TIAM1: variants seen among roughly 807,000 people sequenced by gnomAD.
TIAM1 encodes rho guanine nucleotide exchange factor TIAM1.
In TIAM1, 65 loss-of-function variants were observed where a neutral mutation model predicts 163.5. That is an observed-to-expected ratio of 0.40 (90% CI 0.33 to 0.49). The LOEUF (loss-of-function observed/expected upper bound fraction) is 0.49, where lower values mean the gene tolerates loss of function less well. Ranked by LOEUF, TIAM1 falls within the 20% of genes least tolerant of loss-of-function variation. The pLI, the probability that TIAM1 is intolerant of heterozygous loss-of-function variation, is 0.77. For missense variants in TIAM1, 1,789 were observed against 2,044.7 expected (o/e 0.87, Z 2.41); for synonymous variants, 833 against 810.1 (o/e 1.03, Z -0.48).
chr21:31,366,570 A>C (rs1183442343), intron 2 of TIAM1, among the ~76,000 whole-genome samples: 1 of 152,096 alleles, frequency 6.6e-6, no homozygotes, highest in Non-Finnish European at 1.5e-5. Flanking sequence ...CTTTCTTTGC[A>C]ATACTTAAGT....
chr21:31,457,533 T>C (rs2045151934), intron 2 of TIAM1, among the ~76,000 whole-genome samples: 1 of 152,136 alleles, frequency 6.6e-6, no homozygotes, highest in Non-Finnish European at 1.5e-5. Context: ...ATTTCATAAA[T>C]GACAAATGAA....
chr21:31,264,002 A>G (rs2072621010), intron 4 of TIAM1, among the ~76,000 whole-genome samples: 1 of 152,208 alleles, frequency 6.6e-6, no homozygotes, highest in African/African-American at 2.4e-5. Context: ...TTGTGTCATT[A>G]CAATCTCAAT....
At chr21:31,178,398 C>T (rs1425019307) in intron 15 of TIAM1, among the ~76,000 whole-genome samples, 2 of 149,798 alleles carry the variant, frequency 1.3e-5, no homozygotes, top group African/African-American at 2.5e-5. Flanking sequence ...GCTCTGCCCC[C>T]GGGGTTCACG....
In TIAM1 at chr21:31,481,908, A is replaced by G. The variant is rs374978977; in HGVS notation, c.-421-17873T>C. ...TCCCTAAGGAGAGGATGGAGCTGAA[A>G]GTTTCAACCCTCTAATCACATGGTT... is the stretch of plus-strand genomic sequence containing the variant. On this transcript the variant is annotated intron_variant, in intron 1 of 28. Transcript: ENST00000286827. Among the ~76,000 whole-genome samples the G allele has an allele frequency of 1.7e-4, 26 of 152,108 alleles. No individual in the cohort carries two copies. In the East Asian group the frequency reaches 3.1e-3, roughly 18 times the overall value.
intron 19 of TIAM1, among the ~76,000 whole-genome samples, chr21:31,149,032 G>C (rs545305408): frequency 6.6e-6 from 1 of 151,648 alleles, no homozygotes; most frequent in East Asian, 1.9e-4. Flanking sequence ...AGCAGCAACA[G>C]GTTTGGGAGC....
At chr21:31,224,019 G>A (rs954431029) in intron 7 of TIAM1, among the ~76,000 whole-genome samples, 4 of 152,216 alleles carry the variant, frequency 2.6e-5, no homozygotes, top group African/African-American at 9.6e-5. Context: ...GAAGAGCGGG[G>A]TAGCCCGGAA....
At chr21:31,479,830 T>C (rs148681529) in intron 1 of TIAM1, among the ~76,000 whole-genome samples, 156 of 152,280 alleles carry the variant, frequency 1.0e-3, no homozygotes, top group African/African-American at 3.3e-3. Context: ...CTTGAAACCC[T>C]ATTCCCCACT....
At chr21:31,469,439 G>A (rs1327640176) in intron 1 of TIAM1, among the ~76,000 whole-genome samples, 5 of 151,986 alleles carry the variant, frequency 3.3e-5, no homozygotes, top group Non-Finnish European at 4.4e-5. Context: ...ACTTTCTCTC[G>A]TGACTCTCTT....
rs529248168 is a variant in TIAM1, at chr21:31,202,814, C to T, written c.2493+94G>A. On this transcript the variant is annotated intron_variant, in intron 12 of 27. Transcript: ENST00000541036. ...AATGAAGCTCATTTATTTTTGAACTCGTTCCACTCCACCAACTACAATTAA... is the reference window on the plus strand; with the variant it reads ...AATGAAGCTCATTTATTTTTGAACTTGTTCCACTCCACCAACTACAATTAA... 119 of 1,214,384 alleles carry T rather than the reference C, an allele frequency of 9.8e-5. No individual in the cohort carries two copies. The South Asian group carries it at 1.4e-3, about 14-fold the overall frequency. The allele number at this position is 1,214,384 out of a possible 1,614,324, so 75.2% of individuals were successfully genotyped here. A position where few individuals can be genotyped will look rare whatever the true frequency, so the allele number is the denominator to read the frequency against.
intron 24 of TIAM1, among the ~76,000 whole-genome samples, 153 bp downstream of exon 24, chr21:31,130,737 G>A (rs1298089109): frequency 2.6e-5 from 4 of 152,134 alleles, no homozygotes; most frequent in African/African-American, 9.7e-5. Context: ...AAAGATGGCA[G>A]GATGAGTGAT....
At chr21:31,280,850 C>T (rs1411430409) in intron 2 of TIAM1, among the ~76,000 whole-genome samples, 1 of 151,918 alleles carries the variant, frequency 6.6e-6, no homozygotes, top group Non-Finnish European at 1.5e-5. Context: ...CACAGTGGCT[C>T]ATGCCTGTAA....
chr21:31,446,202 A>G (rs1270884576), intron 2 of TIAM1, among the ~76,000 whole-genome samples: 1 of 128,972 alleles, frequency 7.8e-6, no homozygotes, highest in African/African-American at 3.0e-5. Flanking sequence ...CAGCCTCCCA[A>G]AGTTCTGGGA....
chr21:31,392,482 A>C (rs1422624543), intron 2 of TIAM1, among the ~76,000 whole-genome samples: 1 of 151,060 alleles, frequency 6.6e-6, no homozygotes, highest in African/African-American at 2.4e-5. Context: ...AGGCAGGAGA[A>C]TCGCTTGAAC....
chr21:31,313,802 C>A (rs2075014750), intron 2 of TIAM1, among the ~76,000 whole-genome samples: 1 of 152,146 alleles, frequency 6.6e-6, no homozygotes, highest in Admixed American at 6.5e-5. Context: ...ATCTCAAACT[C>A]CTGACCTCAA....
At chr21:31,488,361 T>C (rs2147412424) in intron 1 of TIAM1, among the ~76,000 whole-genome samples, 1 of 152,242 alleles carries the variant, frequency 6.6e-6, no homozygotes, top group Admixed American at 6.5e-5. Context: ...CCAGTCAGTG[T>C]ATTCAGGGGG....
chr21:31,161,108 C>T (rs974178428), intron 16 of TIAM1, among the ~76,000 whole-genome samples: 2 of 151,580 alleles, frequency 1.3e-5, no homozygotes, highest in Admixed American at 6.6e-5. Flanking sequence ...CATTTTTCCA[C>T]TCATGCTTTG....
intron 1 of TIAM1, among the ~76,000 whole-genome samples, chr21:31,467,322 A>G (rs2045568317): frequency 6.6e-6 from 1 of 151,814 alleles, no homozygotes; most frequent in Non-Finnish European, 1.5e-5. Flanking sequence ...GCAGAGTGAG[A>G]GTCCCTGTTT....
rs34291568 is a variant in TIAM1 at position 31,171,035 on chromosome 21, C to CAAAAAAAAAAAAA, written c.2888-5983_2888-5971dup. On this transcript the variant is annotated intron_variant, in intron 15 of 27. Coordinates refer to ENST00000541036, the MANE Select transcript of TIAM1 (RefSeq NM_001353694.2). Reference sequence around the variant, plus strand: ...TGGGTGACAGAGTGAGACTCCATCTCAAAAAAAAAAAAAAAAAAAAAAAAA... The same window carrying CAAAAAAAAAAAAA: ...TGGGTGACAGAGTGAGACTCCATCTCAAAAAAAAAAAAAAAAAAAAAAAAAAAAAAAAAAAAAA... Among the ~76,000 whole-genome samples the CAAAAAAAAAAAAA allele has an allele frequency of 8.2e-4, 16 of 19,574 alleles. 2 individuals are homozygous for CAAAAAAAAAAAAA. Among genetic ancestry groups the CAAAAAAAAAAAAA allele is most frequent in the African/African-American group, 1.6e-3 (16 of 10,040 alleles). 12.8% of individuals were successfully genotyped at this position (19,574 alleles called of 152,430 possible). A position where few individuals can be genotyped will look rare whatever the true frequency, so the allele number is the denominator to read the frequency against.
chr21:31,282,290 G>T (rs2073602876), intron 2 of TIAM1, among the ~76,000 whole-genome samples: 1 of 152,190 alleles, frequency 6.6e-6, no homozygotes, highest in Admixed American at 6.5e-5. Context: ...TTCCACGGAG[G>T]CTCAGTGACA....
Sources: gnomAD v4.1 joint callset for allele counts (sites outside exome capture counted in the v4.1 genomes callset) on GRCh38, gnomAD v4.1.1 for gene constraint, MANE v1.5 for transcripts, NCBI Gene and HGNC (gene_info 2026-07-23, HGNC 2026-07-21) for gene names.